RIPOR3: variants seen among roughly 807,000 people sequenced by gnomAD.
RIPOR3 encodes the protein RIPOR family member 3.
Under a neutral mutation model 114.3 loss-of-function variants are expected in RIPOR3, and 95 were observed. The observed-to-expected ratio is 0.83, with a 90% CI of 0.70 to 0.99. RIPOR3 has a LOEUF of 0.99. Ranked by LOEUF, RIPOR3 falls within the 50% of genes least tolerant of loss-of-function variation. The probability of loss-of-function intolerance (pLI) is 0.00; values close to 1 mark genes in which losing one functional copy is unlikely to be tolerated. For synonymous variants in RIPOR3, 575 were observed against 543.8 expected (o/e 1.06, Z -0.80); for missense variants, 1,252 against 1,266.9 (o/e 0.99, Z 0.18).
intron 3 of RIPOR3, 38 bp downstream of exon 3, chr20:50,619,948 A>G (rs753909490): frequency 6.3e-7 from 1 of 1,592,946 alleles, no homozygotes; most frequent in Non-Finnish European, 8.6e-7. Flanking sequence ...GAGGTAGAGG[A>G]ATGCACTTCT....
In RIPOR3 at chr20:50,604,638, C is replaced by T. The variant is rs534533334; in HGVS notation, c.1086+7G>A. ...ACAGCGGCCCTGCCCCGGGAAGGCT[C>T]ACTCACCAGGTAGTATCTCTCCCGG... On this transcript the variant is annotated splice_region_variant and intron_variant, in intron 12 of 21. Coordinates refer to ENST00000327979, the MANE Select transcript of RIPOR3 (RefSeq NM_001290268.2). The T allele has an allele frequency of 2.2e-5, 36 of 1,603,930 alleles. No homozygotes were observed. The South Asian group carries it at 3.7e-4, about 16-fold the overall frequency.
intron 1 of RIPOR3, among the ~76,000 whole-genome samples, chr20:50,642,321 TTTAATC>T (rs1265807169): frequency 1.3e-5 from 2 of 150,932 alleles, no homozygotes; most frequent in Non-Finnish European, 1.5e-5. Context: ...CCCCTCACCT[TTTAATC>T]TTAAATTGTT....
chr20:50,670,058 G>A (rs1047732423), intron 1 of RIPOR3, among the ~76,000 whole-genome samples: 2 of 149,912 alleles, frequency 1.3e-5, no homozygotes, highest in Admixed American at 6.7e-5. Context: ...TCAGGAGGCC[G>A]AAGCAAGAGA....
intron 2 of RIPOR3, among the ~76,000 whole-genome samples, chr20:50,626,467 G>A (rs2084623351): frequency 6.6e-6 from 1 of 152,212 alleles, no homozygotes; most frequent in Admixed American, 6.5e-5. Flanking sequence ...GTGTCAAGGG[G>A]ATGGATCACC....
chr20:50,629,644 C>T (rs1241882632), intron 2 of RIPOR3, among the ~76,000 whole-genome samples: 3 of 152,248 alleles, frequency 2.0e-5, no homozygotes, highest in African/African-American at 7.2e-5. Context: ...AAGCCTGCTC[C>T]CTCATCCGGT....
At chr20:50,658,230 G>A (rs1429657076) in intron 1 of RIPOR3, among the ~76,000 whole-genome samples, 1 of 152,194 alleles carries the variant, frequency 6.6e-6, no homozygotes, top group Non-Finnish European at 1.5e-5. Flanking sequence ...TAAACAAAAT[G>A]TGGTGTGTAT....
intron 1 of RIPOR3, among the ~76,000 whole-genome samples, chr20:50,683,896 CAT>C: frequency 6.6e-6 from 1 of 152,072 alleles, no homozygotes; most frequent in Non-Finnish European, 1.5e-5. Flanking sequence ...ACGTGGCCAA[CAT>C]AGCAAAACCC....
chr20:50,624,620 G>A (rs530431734), intron 2 of RIPOR3, among the ~76,000 whole-genome samples: 1 of 152,342 alleles, frequency 6.6e-6, no homozygotes, highest in African/African-American at 2.4e-5. Flanking sequence ...CAGGCAGCAT[G>A]TCTGGCCCAG....
intron 1 of RIPOR3, among the ~76,000 whole-genome samples, chr20:50,686,126 G>C (rs1211888937): frequency 6.6e-6 from 1 of 151,750 alleles, no homozygotes; most frequent in Non-Finnish European, 1.5e-5. Context: ...GCGCAATCTC[G>C]GCTCACTGCA....
At chr20:50,615,664 G>A (rs1305673201) in intron 4 of RIPOR3, among the ~76,000 whole-genome samples, 13 of 152,060 alleles carry the variant, frequency 8.5e-5, no homozygotes, top group Admixed American at 2.6e-4. Context: ...TGTGACACCT[G>A]ACCCACTTTC....
chr20:50,659,653 A>G (rs2123449874), intron 1 of RIPOR3, among the ~76,000 whole-genome samples: 1 of 151,804 alleles, frequency 6.6e-6, no homozygotes, highest in East Asian at 1.9e-4. Flanking sequence ...GTCTCAAAAA[A>G]AAAAAAAAAA....
chr20:50,628,136 G>C (rs1345331995), intron 2 of RIPOR3, among the ~76,000 whole-genome samples: 1 of 152,186 alleles, frequency 6.6e-6, no homozygotes, highest in African/African-American at 2.4e-5. Flanking sequence ...TCATTTCCTG[G>C]CCGGTTTATA....
intron 20 of RIPOR3, among the ~76,000 whole-genome samples, chr20:50,588,761 A>G (rs2083006570): frequency 1.3e-5 from 2 of 151,026 alleles, no homozygotes; most frequent in Admixed American, 1.3e-4. Flanking sequence ...AAAAAAAAAA[A>G]AAAAAAAGAA....
intron 1 of RIPOR3, among the ~76,000 whole-genome samples, chr20:50,638,537 G>C (rs763153884): frequency 6.6e-6 from 1 of 152,142 alleles, no homozygotes; most frequent in Non-Finnish European, 1.5e-5. Context: ...GCCATGCCAG[G>C]GGTCAGCCAG....
At chr20:50,592,967 G>A in intron 18 of RIPOR3, 68 bp downstream of exon 18, 2 of 1,570,526 alleles carry the variant, frequency 1.3e-6, no homozygotes, top group Admixed American at 1.7e-5. Flanking sequence ...ATTATAACCT[G>A]AGAAACTGCA....
At chr20:50,689,251 A>T (rs933714699) in intron 1 of RIPOR3, among the ~76,000 whole-genome samples, 13 of 141,688 alleles carry the variant, frequency 9.2e-5, no homozygotes, top group African/African-American at 3.4e-4. Flanking sequence ...ATCTCAGCTC[A>T]CTGCACCTCT....
chr20:50,637,578 T>C (rs148472955), intron 1 of RIPOR3, among the ~76,000 whole-genome samples: 1 of 152,136 alleles, frequency 6.6e-6, no homozygotes, highest in African/African-American at 2.4e-5. Context: ...AAAAAGTTTT[T>C]GGGGCCAGGC....
chr20:50,660,994 T>C (rs570277453), intron 1 of RIPOR3, among the ~76,000 whole-genome samples: 5 of 151,782 alleles, frequency 3.3e-5, no homozygotes, highest in Admixed American at 2.0e-4. Context: ...TCCCAGCACT[T>C]TGGGAGGCCG....
At chr20:50,644,104 A>G (rs2085304213) in intron 1 of RIPOR3, among the ~76,000 whole-genome samples, 1 of 152,100 alleles carries the variant, frequency 6.6e-6, no homozygotes, top group Non-Finnish European at 1.5e-5. Flanking sequence ...TGGGCAACAG[A>G]ATGAGACCAC....
Sources: allele counts gnomAD v4.1 joint callset (sites outside exome capture counted in the v4.1 genomes callset), GRCh38; gene constraint gnomAD v4.1.1; transcripts MANE v1.5; gene names NCBI Gene and HGNC (gene_info 2026-07-23, HGNC 2026-07-21).